The following CNTN5 variants were observed in gnomAD, a reference collection of about 807,000 sequenced individuals.
CNTN5 encodes contactin-5.
In CNTN5, 77 loss-of-function variants were observed where a neutral mutation model predicts 129.1. The observed-to-expected ratio is 0.60, with a 90% CI of 0.50 to 0.72. The LOEUF is 0.72. CNTN5 is among the 30% of genes least tolerant of loss of function. The probability of loss-of-function intolerance (pLI) is 0.00; values close to 1 mark genes in which losing one functional copy is unlikely to be tolerated. For synonymous variants in CNTN5, 509 were observed against 465.6 expected (o/e 1.09, Z -1.20); for missense variants, 1,478 against 1,328.8 (o/e 1.11, Z -1.75).
chr11:99,247,314 T>G (rs1861860964), intron 1 of CNTN5, among the ~76,000 whole-genome samples: 1 of 152,092 alleles, frequency 6.6e-6, no homozygotes, highest in Non-Finnish European at 1.5e-5. Flanking sequence ...AACTGATTTT[T>G]GGAAGAAGTA....
At chr11:99,744,419 G>T (rs1454752575) in intron 3 of CNTN5, among the ~76,000 whole-genome samples, 3 of 151,730 alleles carry the variant, frequency 2.0e-5, no homozygotes, top group Non-Finnish European at 4.4e-5. Context: ...ACAATGTTGG[G>T]ACTGGGCCCT....
At chr11:99,620,712 T>TCC (rs200177514) in intron 3 of CNTN5, among the ~76,000 whole-genome samples, 4 of 151,142 alleles carry the variant, frequency 2.6e-5, no homozygotes, top group South Asian at 2.1e-4. Context: ...AGGCCCCCGC[T>TCC]CCCCCCCGGC....
At chr11:100,242,880 G>C (rs1162007011) in intron 16 of CNTN5, among the ~76,000 whole-genome samples, 1 of 152,162 alleles carries the variant, frequency 6.6e-6, no homozygotes, top group African/African-American at 2.4e-5. Flanking sequence ...AAAGAACATG[G>C]AGCAGTCATT....
At chr11:99,482,862 G>A (rs1191340964) in intron 2 of CNTN5, among the ~76,000 whole-genome samples, 1 of 149,560 alleles carries the variant, frequency 6.7e-6, no homozygotes, top group Non-Finnish European at 1.5e-5. Flanking sequence ...TCAAGACTGG[G>A]ATTAAATATT....
chr11:99,519,735 A>G (rs72993109), intron 2 of CNTN5, among the ~76,000 whole-genome samples: 15,188 of 152,100 alleles, frequency 0.1, 954 homozygotes, highest in Non-Finnish European at 0.14. Context: ...TTCACATTCC[A>G]TGTTTATTCA....
intron 7 of CNTN5, among the ~76,000 whole-genome samples, chr11:99,916,728 T>C (rs1949799119): frequency 6.6e-6 from 1 of 152,142 alleles, no homozygotes. Context: ...AGATTAATTA[T>C]ACGTCCTTTT....
intron 2 of CNTN5, among the ~76,000 whole-genome samples, chr11:99,412,521 G>A (rs75447561): frequency 3.2e-4 from 48 of 152,020 alleles, no homozygotes; most frequent in Middle Eastern, 3.4e-3. Context: ...CATCATCATC[G>A]TCATCATTGG....
At chr11:100,053,670 T>C (rs1011635991) in intron 9 of CNTN5, among the ~76,000 whole-genome samples, 1 of 151,660 alleles carries the variant, frequency 6.6e-6, no homozygotes, top group Non-Finnish European at 1.5e-5. Context: ...TGGTAAGTAC[T>C]TATACAGTTG....
At chr11:99,193,912 TAA>T (rs1394505021) in intron 1 of CNTN5, among the ~76,000 whole-genome samples, 1 of 152,096 alleles carries the variant, frequency 6.6e-6, no homozygotes, top group Non-Finnish European at 1.5e-5. Context: ...TTCATATTCA[TAA>T]GAGGTAAAGA....
At chr11:99,192,349 T>C (rs1294630964) in intron 1 of CNTN5, among the ~76,000 whole-genome samples, 1 of 151,922 alleles carries the variant, frequency 6.6e-6, no homozygotes, top group East Asian at 1.9e-4. Context: ...AATATTCAGA[T>C]TGTTTAACTA....
intron 9 of CNTN5, among the ~76,000 whole-genome samples, chr11:100,054,126 TC>T (rs1175800152): frequency 6.6e-6 from 1 of 151,700 alleles, no homozygotes; most frequent in East Asian, 1.9e-4. Context: ...ATCCTAATTT[TC>T]CTGATTGTTC....
intron 9 of CNTN5, among the ~76,000 whole-genome samples, chr11:100,019,324 AC>A (rs1367104760): frequency 3.9e-5 from 6 of 151,988 alleles, no homozygotes; most frequent in Non-Finnish European, 1.5e-5. Context: ...TTTGTATGAT[AC>A]AGGTATGGAT....
chr11:99,779,341 AT>A (rs2135379392), intron 3 of CNTN5, among the ~76,000 whole-genome samples: 1 of 152,112 alleles, frequency 6.6e-6, no homozygotes, highest in Non-Finnish European at 1.5e-5. Flanking sequence ...AGAATTTTTA[AT>A]GTATTTCAAG....
Position 100,020,340 on chromosome 11 carries a change from A to T in CNTN5, c.980+18204A>T, listed in dbSNP as rs568162206. 9.2e-5 allele frequency among the ~76,000 whole-genome samples: 14 copies of T among 151,856 alleles called. No homozygotes were observed. In the South Asian group the frequency reaches 1.7e-3, roughly 18 times the overall value. ...GTGAGACAAAGGCCCTATTTTATTC[A>T]CCTGCAAGTGAATATCTAGTATTTC... On this transcript the variant is annotated intron_variant, in intron 9 of 24. Transcript: ENST00000524871.
chr11:100,349,312 G>A (rs190534111), intron 23 of CNTN5, among the ~76,000 whole-genome samples: 86 of 151,944 alleles, frequency 5.7e-4, no homozygotes, highest in Admixed American at 3.6e-3. Flanking sequence ...GAAAATATAT[G>A]TCAATAATTA....
intron 3 of CNTN5, among the ~76,000 whole-genome samples, chr11:99,787,628 A>G (rs971610777): frequency 6.6e-6 from 1 of 152,002 alleles, no homozygotes; most frequent in Admixed American, 6.6e-5. Context: ...AAGAACAGAA[A>G]TGGTTTACAA....
intron 15 of CNTN5, among the ~76,000 whole-genome samples, chr11:100,217,468 G>T (rs757315873): frequency 3.1e-4 from 47 of 152,182 alleles, no homozygotes; most frequent in Non-Finnish European, 5.6e-4. Flanking sequence ...TCCATAAAAT[G>T]TATAGCTACT....
At chr11:99,319,162 C>T (rs1225242076) in intron 1 of CNTN5, among the ~76,000 whole-genome samples, 6 of 152,128 alleles carry the variant, frequency 3.9e-5, no homozygotes, top group East Asian at 1.9e-4. Context: ...TTAATATATT[C>T]GGAAGGATTT....
At chr11:100,002,218 A>T in intron 9 of CNTN5, 82 bp downstream of exon 9, 1 of 914,496 alleles carries the variant, frequency 1.1e-6, no homozygotes, top group Non-Finnish European at 1.6e-6. Context: ...TTATTTTGCT[A>T]GGTGTCATTT....
Sources: allele counts gnomAD v4.1 joint callset (sites outside exome capture counted in the v4.1 genomes callset), GRCh38; gene constraint gnomAD v4.1.1; transcripts MANE v1.5; gene names NCBI Gene and HGNC (gene_info 2026-07-23, HGNC 2026-07-21).